L3MBTL4: variants seen among roughly 807,000 people sequenced by gnomAD.
The protein encoded by L3MBTL4 is L3MBTL histone methyl-lysine binding protein 4, also known as lethal(3)malignant brain tumor-like protein 4.
L3MBTL4 carries 70 observed loss-of-function variants against 84.5 expected under a neutral mutation model. The observed-to-expected ratio is 0.83, with a 90% confidence interval of 0.68 to 1.01. The LOEUF is 1.01. Ranked by LOEUF, L3MBTL4 falls within the 50% of genes least tolerant of loss-of-function variation. The pLI, the probability that L3MBTL4 is intolerant of heterozygous loss-of-function variation, is 0.00. For synonymous variants in L3MBTL4, 274 were observed against 259.8 expected, an observed-to-expected ratio of 1.05 and a Z score of -0.52; for missense variants, 715 against 754.8, an observed-to-expected ratio of 0.95 and a Z score of 0.62.
Position 6,192,977 on chromosome 18 carries a change from C to T in L3MBTL4, c.981+20172G>A, listed in dbSNP as rs79655599. Reference sequence around the variant, plus strand: ...GGGCAGTGAAGATGAAAATGCAGTACAATCAACGGATTAGAGGCCCTGAGG... The same window carrying T: ...GGGCAGTGAAGATGAAAATGCAGTATAATCAACGGATTAGAGGCCCTGAGG... On this transcript the variant is annotated intron_variant, in intron 12 of 18. Coordinates refer to ENST00000317931, the MANE Select transcript of L3MBTL4 (RefSeq NM_001330559.2). Among the ~76,000 whole-genome samples the T allele has an allele frequency of 5.9e-3, 904 of 152,180 alleles. 13 individuals carry two copies. Among genetic ancestry groups the T allele is most frequent in the African/African-American group, 0.02 (837 of 41,522 alleles).
chr18:6,259,472 T>G (rs1004244313), intron 5 of L3MBTL4: 7 of 152,594 alleles, frequency 4.6e-5, no homozygotes, highest in Admixed American at 1.3e-4. Context: ...TGATTAGTGA[T>G]GTTGAGCATT....
intron 18 of L3MBTL4, among the ~76,000 whole-genome samples, chr18:5,958,062 G>GAAGA (rs2095238958): frequency 5.4e-5 from 5 of 93,200 alleles, no homozygotes; most frequent in African/African-American, 4.6e-5. Flanking sequence ...GAAGGAGAAG[G>GAAGA]AGAAGAAGAA....
chr18:6,158,427 C>G (rs899586265), intron 13 of L3MBTL4, among the ~76,000 whole-genome samples: 1 of 152,028 alleles, frequency 6.6e-6, no homozygotes, highest in African/African-American at 2.4e-5. Context: ...ACAGAGAAGA[C>G]AGCATATATA....
intron 16 of L3MBTL4, among the ~76,000 whole-genome samples, chr18:6,065,824 T>A (rs2057380964): frequency 6.6e-6 from 1 of 152,104 alleles, no homozygotes; most frequent in African/African-American, 2.4e-5. Flanking sequence ...TTCATTTATC[T>A]TTTGTAATGT....
chr18:6,215,608 C>A, intron 11 of L3MBTL4, 142 bp downstream of exon 11: 1 of 462,510 alleles, frequency 2.2e-6, no homozygotes, highest in Non-Finnish European at 3.8e-6. Context: ...GTATTTTTAA[C>A]TAAAAGAAAA....
At chr18:6,175,571 A>C (rs1252023338) in intron 12 of L3MBTL4, among the ~76,000 whole-genome samples, 2 of 152,310 alleles carry the variant, frequency 1.3e-5, no homozygotes, top group South Asian at 4.1e-4. Flanking sequence ...ATTACACCAC[A>C]GAAGAAGAAG....
At chr18:6,210,258 C>T (rs956647309) in intron 12 of L3MBTL4, among the ~76,000 whole-genome samples, 7 of 152,212 alleles carry the variant, frequency 4.6e-5, no homozygotes, top group African/African-American at 1.7e-4. Context: ...TCAAGAACTG[C>T]CAGTACCACA....
chr18:6,192,590 G>T (rs998429838), intron 12 of L3MBTL4, among the ~76,000 whole-genome samples: 2 of 152,166 alleles, frequency 1.3e-5, no homozygotes, highest in African/African-American at 4.8e-5. Flanking sequence ...AGTGAGGCAA[G>T]AGGAATGGGA....
chr18:6,105,422 T>C (rs1277885594), intron 14 of L3MBTL4, among the ~76,000 whole-genome samples: 5 of 151,780 alleles, frequency 3.3e-5, no homozygotes, highest in Middle Eastern at 6.8e-3. Flanking sequence ...ACTCCTGATC[T>C]CAGGTGATTC....
intron 16 of L3MBTL4, among the ~76,000 whole-genome samples, chr18:5,980,229 C>A (rs966103595): frequency 6.6e-6 from 1 of 152,202 alleles, no homozygotes; most frequent in African/African-American, 2.4e-5. Context: ...TATGTGCTCC[C>A]TGCACCCTGC....
At chr18:6,342,479 C>T (rs966145284) in intron 1 of L3MBTL4, among the ~76,000 whole-genome samples, 1 of 151,760 alleles carries the variant, frequency 6.6e-6, no homozygotes, top group Non-Finnish European at 1.5e-5. Context: ...TTTTTTAATG[C>T]AATTGAACTA....
chr18:6,356,804 T>G (rs1445559443), intron 1 of L3MBTL4: 1 of 152,224 alleles, frequency 6.6e-6, no homozygotes, highest in South Asian at 2.1e-4. Flanking sequence ...ACTGTATACT[T>G]AAGCTATGCC....
At chr18:6,347,917 T>C (rs1454753040) in intron 1 of L3MBTL4, among the ~76,000 whole-genome samples, 1 of 151,850 alleles carries the variant, frequency 6.6e-6, no homozygotes, top group Non-Finnish European at 1.5e-5. Flanking sequence ...CACAAAAAAA[T>C]TAAATTGACT....
At chr18:6,237,066 A>G (rs1166375245) in intron 10 of L3MBTL4, among the ~76,000 whole-genome samples, 1 of 152,180 alleles carries the variant, frequency 6.6e-6, no homozygotes, top group Non-Finnish European at 1.5e-5. Context: ...TTTCTAATTC[A>G]TTTTAAATTA....
chr18:6,001,812 A>G (rs2145270473), intron 16 of L3MBTL4, among the ~76,000 whole-genome samples: 1 of 152,334 alleles, frequency 6.6e-6, no homozygotes, highest in African/African-American at 2.4e-5. Context: ...TAAGCAGACC[A>G]ATATACACAT....
At chr18:6,214,153 C>A (rs2046229923) in intron 11 of L3MBTL4, among the ~76,000 whole-genome samples, 1 of 152,186 alleles carries the variant, frequency 6.6e-6, no homozygotes. Flanking sequence ...GTCATTTCAT[C>A]TGTAACAAGA....
chr18:6,072,861 G>A (rs1255937656), intron 16 of L3MBTL4, among the ~76,000 whole-genome samples: 2 of 7,992 alleles, frequency 2.5e-4, no homozygotes, highest in Admixed American at 2.6e-3. Flanking sequence ...GAGAGACTCC[G>A]TCTCAAAAAA....
At chr18:6,289,726 C>T (rs532878970) in intron 4 of L3MBTL4, among the ~76,000 whole-genome samples, 61 of 152,118 alleles carry the variant, frequency 4.0e-4, no homozygotes, top group African/African-American at 1.4e-3. Context: ...CTTGTCAGTA[C>T]AATTCTAACT....
At chr18:6,302,661 T>C (rs2050393251) in intron 3 of L3MBTL4, among the ~76,000 whole-genome samples, 1 of 152,180 alleles carries the variant, frequency 6.6e-6, no homozygotes, top group African/African-American at 2.4e-5. Flanking sequence ...CTTTATGTCA[T>C]TTTGTGGCCA....
Sources: gnomAD v4.1 joint callset for allele counts (sites outside exome capture counted in the v4.1 genomes callset) on GRCh38, gnomAD v4.1.1 for gene constraint, MANE v1.5 for transcripts, NCBI Gene and HGNC (gene_info 2026-07-23, HGNC 2026-07-21) for gene names.